Variants in SHB observed in about 807,000 individuals in gnomAD.
The protein encoded by SHB is SH2 domain containing adaptor protein B.
A neutral mutation model predicts 52.3 loss-of-function variants in SHB; 20 were observed. The ratio of observed to expected loss-of-function variants is 0.38; its 90% CI spans 0.27 to 0.56. SHB has a LOEUF of 0.56. Among genes scored for constraint, SHB ranks in the 20% least tolerant of loss-of-function variants. SHB has a pLI of 0.71. For missense variants in SHB, 825 were observed against 723.3 expected, an observed-to-expected ratio of 1.14 and a Z score of -1.61; for synonymous variants, 397 against 316.5, an observed-to-expected ratio of 1.25 and a Z score of -2.70.
chr9:37,927,220 T>A (rs907888418), intron 5 of SHB, among the ~76,000 whole-genome samples: 2 of 152,160 alleles, frequency 1.3e-5, no homozygotes, highest in African/African-American at 4.8e-5. Context: ...AGCTGAGATG[T>A]TCTAATAGTC....
intron 1 of SHB, among the ~76,000 whole-genome samples, chr9:38,030,910 C>A (rs1463372872): frequency 6.6e-6 from 1 of 151,700 alleles, no homozygotes; most frequent in Non-Finnish European, 1.5e-5. Context: ...GTTGTTAGGG[C>A]CAGAATCCTG....
chr9:38,035,334 CG>C (rs574261601), intron 1 of SHB, among the ~76,000 whole-genome samples: 36 of 151,722 alleles, frequency 2.4e-4, no homozygotes, highest in African/African-American at 8.5e-4. Flanking sequence ...CAAGCAGAAG[CG>C]GGTTGAGCAC....
At chr9:38,062,356 G>A (rs888187701) in intron 1 of SHB, among the ~76,000 whole-genome samples, 4 of 152,148 alleles carry the variant, frequency 2.6e-5, no homozygotes, top group Non-Finnish European at 5.9e-5. Context: ...CTAATTAATG[G>A]CTTGCCTGTA....
chr9:37,984,261 C>T (rs895762975), intron 2 of SHB, among the ~76,000 whole-genome samples: 6 of 152,188 alleles, frequency 3.9e-5, no homozygotes, highest in Non-Finnish European at 5.9e-5. Context: ...CTGACTGAAG[C>T]CTCACAGGCC....
intron 1 of SHB, among the ~76,000 whole-genome samples, chr9:38,019,865 C>T (rs566370468): frequency 6.6e-6 from 1 of 151,884 alleles, no homozygotes. Flanking sequence ...TAGTTCCATA[C>T]GATGTAACAT....
At chr9:38,019,521 G>A (rs1035680757) in intron 1 of SHB, among the ~76,000 whole-genome samples, 3 of 152,276 alleles carry the variant, frequency 2.0e-5, no homozygotes, top group Non-Finnish European at 2.9e-5. Context: ...AAGGACTAGA[G>A]GAAGGTGGGT....
intron 3 of SHB, among the ~76,000 whole-genome samples, chr9:37,959,239 G>A (rs961558816): frequency 6.6e-6 from 1 of 152,172 alleles, no homozygotes; most frequent in African/African-American, 2.4e-5. Flanking sequence ...TGGCTTGGGG[G>A]AGGGTGATGC....
chr9:38,060,170 T>TATG (rs1267256483), intron 1 of SHB, among the ~76,000 whole-genome samples: 1 of 152,012 alleles, frequency 6.6e-6, no homozygotes, highest in Non-Finnish European at 1.5e-5. Flanking sequence ...TGTCTGACTT[T>TATG]ATTATTATTA....
chr9:37,974,258 A>AAAAT (rs756553606), intron 3 of SHB, among the ~76,000 whole-genome samples: 92 of 152,222 alleles, frequency 6.0e-4, no homozygotes, highest in African/African-American at 1.9e-3. Context: ...CTCTGTCTCA[A>AAAAT]AAATAAATAA....
intron 1 of SHB, among the ~76,000 whole-genome samples, chr9:38,059,745 C>A (rs911677528): frequency 2.6e-5 from 4 of 152,154 alleles, no homozygotes; most frequent in Admixed American, 1.3e-4. Flanking sequence ...CACACCACCC[C>A]GGCACAAAGG....
chr9:38,060,572 C>G (rs1018951013), intron 1 of SHB, among the ~76,000 whole-genome samples: 2 of 152,184 alleles, frequency 1.3e-5, no homozygotes, highest in Non-Finnish European at 2.9e-5. Flanking sequence ...GTAGCTACCT[C>G]AAAGGACTGT....
chr9:38,028,230 T>C (rs961158862), intron 1 of SHB, among the ~76,000 whole-genome samples: 4 of 152,128 alleles, frequency 2.6e-5, no homozygotes, highest in African/African-American at 9.7e-5. Context: ...GGGGACCCTA[T>C]GGGCCTCTTT....
chr9:37,955,915 C>G lies in SHB; in HGVS notation c.1194G>C (p.Arg398Ser). ...SPEFCGILGE[R>S]VDPAVPLEKQ... Reference sequence around the variant, plus strand: ...TCTCCAGGGGGACGGCAGGATCCACCCTTTCTCCTAGGATCCCGCAGAACT... The same window carrying G: ...TCTCCAGGGGGACGGCAGGATCCACGCTTTCTCCTAGGATCCCGCAGAACT... The change falls in exon 4 of 6, where the codon AGG becomes AGC. Residue 398 changes from arginine to serine, a missense_variant. By Grantham distance (110) the Arg-to-Ser change is moderately radical. Transcript: ENST00000377707. 1 of 1,613,842 alleles carries G rather than the reference C, an allele frequency of 6.2e-7. No homozygotes were observed. Among genetic ancestry groups the G allele is most frequent in the South Asian group, 1.1e-5 (1 of 90,888 alleles).
chr9:38,067,763 A>T (rs1300147336), intron 1 of SHB, among the ~76,000 whole-genome samples, 166 bp downstream of exon 1: 5 of 152,132 alleles, frequency 3.3e-5, no homozygotes, highest in Non-Finnish European at 7.4e-5. Context: ...CGGTCCCAGG[A>T]AAAGGGCGCG....
chr9:38,021,672 GAAA>G (rs35440284), intron 1 of SHB, among the ~76,000 whole-genome samples: 2 of 136,380 alleles, frequency 1.5e-5, no homozygotes, highest in African/African-American at 2.7e-5. Flanking sequence ...TGTCTCAAAA[GAAA>G]AAAAAAAAAA....
At chr9:37,954,637 A>G (rs975778384) in intron 4 of SHB, among the ~76,000 whole-genome samples, 5 of 152,206 alleles carry the variant, frequency 3.3e-5, no homozygotes, top group African/African-American at 1.2e-4. Flanking sequence ...GTTTAAGCAG[A>G]CAAGACACCT....
At chr9:37,986,860 G>A (rs1019152775) in intron 2 of SHB, among the ~76,000 whole-genome samples, 12 of 152,206 alleles carry the variant, frequency 7.9e-5, no homozygotes, top group Middle Eastern at 3.2e-3. Flanking sequence ...GCAGATGTGC[G>A]TCCCAGCTTG....
intron 1 of SHB, among the ~76,000 whole-genome samples, chr9:38,056,607 T>C (rs1426958405): frequency 6.6e-6 from 1 of 152,222 alleles, no homozygotes; most frequent in African/African-American, 2.4e-5. Context: ...ACTGGGATTA[T>C]AGGCGTGAGC....
intron 1 of SHB, among the ~76,000 whole-genome samples, chr9:38,061,107 G>T (rs1405365883): frequency 6.6e-6 from 1 of 152,098 alleles, no homozygotes; most frequent in East Asian, 1.9e-4. Flanking sequence ...CAAGGCAGAC[G>T]GATCACTTGA....
Sources: allele counts gnomAD v4.1 joint callset (sites outside exome capture counted in the v4.1 genomes callset), GRCh38; gene constraint gnomAD v4.1.1; transcripts MANE v1.5; gene names NCBI Gene and HGNC (gene_info 2026-07-23, HGNC 2026-07-21).